Variants in FOXP1 observed in about 807,000 individuals in gnomAD.
The protein encoded by FOXP1 is forkhead box protein P1.
A neutral mutation model predicts 98.2 loss-of-function variants in FOXP1; 15 were observed. That is an observed-to-expected ratio of 0.15 (90% CI 0.10 to 0.24). FOXP1 has a LOEUF of 0.24. FOXP1 is among the 10% of genes least tolerant of loss of function. The probability of loss-of-function intolerance (pLI) is 1.00; values close to 1 mark genes in which losing one functional copy is unlikely to be tolerated. For missense variants in FOXP1, 633 were observed against 848.5 expected, an observed-to-expected ratio of 0.75 and a Z score of 3.15; for synonymous variants, 371 against 314.5, an observed-to-expected ratio of 1.18 and a Z score of -1.90.
rs564098239 is a variant in FOXP1, at chr3:71,539,612, T to C, written c.-298+41937A>G. Among the ~76,000 whole-genome samples the C allele has an allele frequency of 9.8e-5, 15 of 152,292 alleles. No individual in the cohort carries two copies. In the South Asian group the frequency reaches 3.1e-3, roughly 32 times the overall value. ...CAATAAGTCTTCCAGTCTATGAACATATGATATCTTTCCATTTACTTAGGT... is the reference window on the plus strand; with the variant it reads ...CAATAAGTCTTCCAGTCTATGAACACATGATATCTTTCCATTTACTTAGGT... On this transcript the variant is annotated intron_variant, in intron 2 of 20. Coordinates refer to ENST00000649528, the MANE Select transcript of FOXP1 (RefSeq NM_001349338.3).
intron 6 of FOXP1, among the ~76,000 whole-genome samples, chr3:71,134,850 T>G (rs1237593910): frequency 6.6e-6 from 1 of 152,212 alleles, no homozygotes; most frequent in African/African-American, 2.4e-5. Flanking sequence ...CTGGACTATT[T>G]GTACCCCCCA....
At position 71,352,264 on chromosome 3, in the gene FOXP1, G is replaced by A. The variant is rs1374836727; in HGVS notation, c.-73+6886C>T. Reference sequence around the variant, plus strand: ...GTGGATCACCTGAGGTCAGGAGTTCGAGACCAGCCTGGCCAACATGGCAAA... The same window carrying A: ...GTGGATCACCTGAGGTCAGGAGTTCAAGACCAGCCTGGCCAACATGGCAAA... On this transcript the variant is annotated intron_variant, in intron 4 of 20. Coordinates refer to ENST00000649528, the MANE Select transcript of FOXP1 (RefSeq NM_001349338.3). Among the ~76,000 whole-genome samples the A allele has an allele frequency of 5.9e-5, 9 of 152,016 alleles. No homozygotes were observed. In the East Asian group the frequency reaches 9.7e-4, roughly 16 times the overall value.
intron 6 of FOXP1, among the ~76,000 whole-genome samples, chr3:71,143,673 C>T (rs1020177440): frequency 2.0e-4 from 30 of 152,234 alleles, no homozygotes; most frequent in African/African-American, 7.0e-4. Context: ...ATGGGAGGAT[C>T]GCTTGAGCCC....
intron 19 of FOXP1, among the ~76,000 whole-genome samples, chr3:70,966,824 A>C (rs1379872131): frequency 1.3e-5 from 2 of 152,214 alleles, no homozygotes; most frequent in South Asian, 2.1e-4. Flanking sequence ...GAAATGAAAA[A>C]GAAGAAATCC....
At chr3:71,045,731 G>C (rs1048633244) in intron 10 of FOXP1, among the ~76,000 whole-genome samples, 5 of 152,262 alleles carry the variant, frequency 3.3e-5, no homozygotes, top group Admixed American at 2.0e-4. Context: ...CCTCATAAGG[G>C]ACAGAAGTTG....
intron 3 of FOXP1, among the ~76,000 whole-genome samples, chr3:71,442,551 A>C (rs1468882693): frequency 6.6e-6 from 1 of 152,214 alleles, no homozygotes; most frequent in African/African-American, 2.4e-5. Flanking sequence ...AGAAAGCTAC[A>C]TGGGCACGGA....
intron 14 of FOXP1, among the ~76,000 whole-genome samples, chr3:70,982,171 C>G (rs1171603805): frequency 6.6e-6 from 1 of 151,978 alleles, no homozygotes; most frequent in East Asian, 1.9e-4. Context: ...GAGTGCCCCC[C>G]CAAAAAAAAT....
intron 3 of FOXP1, among the ~76,000 whole-genome samples, chr3:71,448,669 G>A (rs1203733705): frequency 6.6e-6 from 1 of 152,188 alleles, no homozygotes; most frequent in Non-Finnish European, 1.5e-5. Flanking sequence ...AGAACACTTT[G>A]CAAAATACCT....
At chr3:71,205,725 T>C (rs1420279713) in intron 5 of FOXP1, among the ~76,000 whole-genome samples, 1 of 152,194 alleles carries the variant, frequency 6.6e-6, no homozygotes, top group Non-Finnish European at 1.5e-5. Context: ...TGACCTGTCC[T>C]GCCCTCTGGA....
intron 2 of FOXP1, among the ~76,000 whole-genome samples, chr3:71,501,293 CTT>C (rs763654842): frequency 6.9e-5 from 9 of 129,696 alleles, no homozygotes; most frequent in Admixed American, 7.7e-5. Context: ...AAATGCTTTT[CTT>C]TTTTTTTTTT....
At chr3:71,174,303 C>T (rs1190977587) in intron 6 of FOXP1, among the ~76,000 whole-genome samples, 10 of 152,060 alleles carry the variant, frequency 6.6e-5, no homozygotes, top group South Asian at 2.1e-4. Context: ...CTGGGTGCAG[C>T]GGCATGCACC....
chr3:71,136,427 A>G (rs1284994014), intron 6 of FOXP1, among the ~76,000 whole-genome samples: 1 of 152,194 alleles, frequency 6.6e-6, no homozygotes, highest in Non-Finnish European at 1.5e-5. Flanking sequence ...ACGCCTTTCA[A>G]CTTCTGGGGC....
Position 71,041,456 on chromosome 3 carries a change from G to C in FOXP1, c.741C>G (p.Asn247Lys). The change falls in exon 11 of 21, where the codon AAC becomes AAG. Residue 247 changes from asparagine to lysine, a missense_variant. By Grantham distance (94) the Asn-to-Lys change is moderately conservative. Transcript: ENST00000649528. ...SAHTAEETTG[N>K]NHSSLDLTTT... Reference sequence around the variant, plus strand: ...TGGTCAGATCCAAACTGCTGTGATTGTTGCCTGTGGTTTCTTCTGCAGTAT... The same window carrying C: ...TGGTCAGATCCAAACTGCTGTGATTCTTGCCTGTGGTTTCTTCTGCAGTAT... The C allele has an allele frequency of 6.2e-7, 1 of 1,613,884 alleles. No homozygotes were observed. The highest frequency in any genetic ancestry group is 8.5e-7 in the Non-Finnish European group (1 of 1,179,834).
intron 2 of FOXP1, among the ~76,000 whole-genome samples, chr3:71,545,554 G>A (rs2045292082): frequency 6.6e-6 from 1 of 152,236 alleles, no homozygotes; most frequent in Admixed American, 6.5e-5. Context: ...ACTGCCTTAT[G>A]CAAATATTTA....
chr3:71,072,397 C>T (rs979357805), intron 7 of FOXP1, among the ~76,000 whole-genome samples: 1 of 152,138 alleles, frequency 6.6e-6, no homozygotes, highest in Non-Finnish European at 1.5e-5. Context: ...GATTTCAATG[C>T]TCAATAATCT....
At chr3:71,085,042 C>T (rs1031638061) in intron 7 of FOXP1, among the ~76,000 whole-genome samples, 31 of 152,298 alleles carry the variant, frequency 2.0e-4, no homozygotes, top group South Asian at 1.0e-3. Flanking sequence ...AGTGGCTGTT[C>T]ATTTCTTTCA....
intron 5 of FOXP1, chr3:71,296,144 T>C (rs2073265432): frequency 6.6e-6 from 1 of 152,242 alleles, no homozygotes; most frequent in African/African-American, 2.4e-5. Flanking sequence ...CCTGGCGACT[T>C]TTATGTATAT....
At chr3:71,242,491 C>G (rs1042148011) in intron 5 of FOXP1, among the ~76,000 whole-genome samples, 1 of 152,178 alleles carries the variant, frequency 6.6e-6, no homozygotes, top group Non-Finnish European at 1.5e-5. Context: ...TCAATTTTGG[C>G]TGGAATCAGC....
chr3:71,312,325 A>G (rs910543041), intron 4 of FOXP1, among the ~76,000 whole-genome samples: 2 of 152,226 alleles, frequency 1.3e-5, no homozygotes, highest in South Asian at 2.1e-4. Flanking sequence ...CTCCTTTTCT[A>G]TCATATAAGG....
Sources: gnomAD v4.1 joint callset for allele counts (sites outside exome capture counted in the v4.1 genomes callset) on GRCh38, gnomAD v4.1.1 for gene constraint, MANE v1.5 for transcripts, NCBI Gene and HGNC (gene_info 2026-07-23, HGNC 2026-07-21) for gene names.